Variants in TIPIN observed in about 807,000 individuals in gnomAD.
TIPIN encodes TIMELESS-interacting protein.
TIPIN carries 29 observed loss-of-function variants against 35.6 expected under a neutral mutation model. That is an observed-to-expected ratio of 0.82 (90% CI 0.61 to 1.11). The LOEUF (loss-of-function observed/expected upper bound fraction) is 1.11, where lower values mean the gene tolerates loss of function less well. TIPIN is among the 50% of genes most tolerant of loss of function. The pLI, the probability that TIPIN is intolerant of heterozygous loss-of-function variation, is 0.00. For missense variants in TIPIN, 296 were observed against 345.4 expected, an observed-to-expected ratio of 0.86 and a Z score of 1.13; for synonymous variants, 102 against 121.5, an observed-to-expected ratio of 0.84 and a Z score of 1.06.
chr15:66,382,214 T>C (rs2093321246), intron 1 of TIPIN: 1 of 319,864 alleles, frequency 3.1e-6, no homozygotes, highest in Non-Finnish European at 4.5e-6. Flanking sequence ...ACAGTATAAT[T>C]CTCATTTTAT....
intron 1 of TIPIN, among the ~76,000 whole-genome samples, chr15:66,363,634 C>A (rs1039741014): frequency 1.4e-5 from 2 of 143,756 alleles, no homozygotes; most frequent in African/African-American, 5.2e-5. Flanking sequence ...AGAGCGAGAT[C>A]TGGTCATTTA....
chr15:66,385,048 CA>C (rs1440422082), intron 1 of TIPIN, among the ~76,000 whole-genome samples: 7 of 152,352 alleles, frequency 4.6e-5, no homozygotes, highest in Admixed American at 2.6e-4. Flanking sequence ...CATTCTACCA[CA>C]GTGAGAAAGC....
At chr15:66,354,077 C>T (rs2140467785) in intron 1 of TIPIN, among the ~76,000 whole-genome samples, 1 of 152,258 alleles carries the variant, frequency 6.6e-6, no homozygotes, top group East Asian at 1.9e-4. Context: ...GCAGGTTTAT[C>T]TTCTACCCCG....
chr15:66,339,156 A>AG (rs1566970079), intron 7 of TIPIN, among the ~76,000 whole-genome samples: 1 of 63,546 alleles, frequency 1.6e-5, no homozygotes, highest in Non-Finnish European at 2.9e-5. Flanking sequence ...AAAAAAAAAA[A>AG]AGCAAAAAGA....
intron 1 of TIPIN, among the ~76,000 whole-genome samples, chr15:66,375,600 A>T (rs2140495360): frequency 6.7e-6 from 1 of 149,570 alleles, no homozygotes; most frequent in Non-Finnish European, 1.5e-5. Flanking sequence ...ACACTTTGGG[A>T]GGCCAAGACT....
chr15:66,351,986 A>C (rs986634832), intron 3 of TIPIN, 143 bp downstream of exon 3: 2 of 667,246 alleles, frequency 3.0e-6, no homozygotes, highest in Non-Finnish European at 5.0e-6. Context: ...CCATAAGAAA[A>C]AATATGTTCT....
At chr15:66,359,060 T>A (rs2093219691), upstream of TIPIN, among the ~76,000 whole-genome samples, 1 of 149,520 alleles carries the variant, frequency 6.7e-6, no homozygotes, top group Non-Finnish European at 1.5e-5. Flanking sequence ...AAAAAAAATT[T>A]AAAAAACACT....
chr15:66,364,876 G>A (rs1304512359), intron 1 of TIPIN, among the ~76,000 whole-genome samples: 1 of 145,046 alleles, frequency 6.9e-6, no homozygotes, highest in Non-Finnish European at 1.5e-5. Context: ...TGAGGCAGGA[G>A]AATTGCTTGA....
intron 7 of TIPIN, among the ~76,000 whole-genome samples, chr15:66,338,813 CAA>C (rs35966273): frequency 6.0e-4 from 21 of 35,246 alleles, no homozygotes; most frequent in Middle Eastern, 0.024. Flanking sequence ...GACTCCGTCT[CAA>C]AAAAAAAAAA....
intron 4 of TIPIN, among the ~76,000 whole-genome samples, chr15:66,351,213 T>C (rs2093165715): frequency 6.6e-6 from 1 of 152,182 alleles, no homozygotes; most frequent in Middle Eastern, 3.2e-3. Context: ...CTTGCCCTCA[T>C]GAAATTTAAA....
chr15:66,366,381 G>T (rs1425409393), intron 1 of TIPIN, among the ~76,000 whole-genome samples: 1 of 151,918 alleles, frequency 6.6e-6, no homozygotes, highest in Non-Finnish European at 1.5e-5. Flanking sequence ...TTGAATCTGG[G>T]AGGCAGAGGT....
At chr15:66,371,593 A>C (rs947101015) in intron 1 of TIPIN, among the ~76,000 whole-genome samples, 20 of 151,092 alleles carry the variant, frequency 1.3e-4, no homozygotes, top group Non-Finnish European at 2.7e-4. Flanking sequence ...GGCTCACTGC[A>C]AGCTCTGCCT....
chr15:66,345,775 A>C (rs1246132855), intron 6 of TIPIN, among the ~76,000 whole-genome samples: 3 of 152,192 alleles, frequency 2.0e-5, no homozygotes, highest in Admixed American at 2.0e-4. Flanking sequence ...TCAACAAATA[A>C]AATGGTCAAA....
chr15:66,336,960 A>G lies in TIPIN; in HGVS notation c.904T>C (p.Ter302GlnextTer10). 6.2e-7 allele frequency: 1 copy of G among 1,609,040 alleles called. No homozygotes were observed. Among genetic ancestry groups the G allele is most frequent in the Non-Finnish European group, 8.5e-7 (1 of 1,176,316 alleles). Reference protein sequence around the residue: ...ATSRNITEAR* With the variant: ...ATSRNITEARQ ...ATACATTTTCTCTTAATGGAAACTT[A>G]TCTAGCTTCAGTAATATTTCTGGAT... The change falls in exon 8 of 8, where the codon TAA becomes CAA. Residue 302 changes from the stop codon to glutamine (Q), a stop_lost. Transcript: ENST00000261881.
chr15:66,347,426 C>T, intron 6 of TIPIN: 1 of 394,710 alleles, frequency 2.5e-6, no homozygotes, highest in Non-Finnish European at 5.1e-6. Context: ...TGCCTAATTT[C>T]CCAGTACCAC....
intron 1 of TIPIN, among the ~76,000 whole-genome samples, chr15:66,370,318 T>C (rs189170406): frequency 1.1e-3 from 169 of 152,284 alleles, no homozygotes; most frequent in African/African-American, 3.5e-3. Context: ...TAGAGAGCAA[T>C]TGAAATTGCA....
chr15:66,384,076 A>G lies in TIPIN; in HGVS notation c.-9+2531T>C, dbSNP rs547517039. On this transcript the variant is annotated intron_variant, in intron 1 of 7. Coordinates refer to the TIPIN transcript ENST00000562124. ...CAGTGGCGCGATCTCGGCTCACTGC[A>G]AGCTCCACCTCCCGGGTTCACACCA... Among the ~76,000 whole-genome samples the G allele has an allele frequency of 1.2e-3, 183 of 151,886 alleles. 1 individual carries two copies. Among genetic ancestry groups the G allele is most frequent in the African/African-American group, 4.2e-3 (172 of 41,396 alleles).
rs778957976 is a variant in TIPIN, at chr15:66,353,913, G to A, written c.-8-958C>T. Among the ~76,000 whole-genome samples, 23 of 152,032 alleles carry A rather than the reference G, an allele frequency of 1.5e-4. No individual in the cohort carries two copies. In the South Asian group the frequency reaches 3.9e-3, roughly 26 times the overall value. On this transcript the variant is annotated intron_variant, in intron 1 of 7. Coordinates refer to ENST00000261881, the MANE Select transcript of TIPIN (RefSeq NM_017858.3). ...AGGCAGACGGACCATGAGGTCAGGAGTTCGAGACCAGCCTGGCCAACACAG... is the reference window on the plus strand; with the variant it reads ...AGGCAGACGGACCATGAGGTCAGGAATTCGAGACCAGCCTGGCCAACACAG...
intron 1 of TIPIN, among the ~76,000 whole-genome samples, chr15:66,362,188 A>T (rs2093234577): frequency 6.6e-6 from 1 of 151,488 alleles, no homozygotes; most frequent in Admixed American, 6.6e-5. Flanking sequence ...CTGTAATTCC[A>T]GCTACTCAGG....
Sources: gnomAD v4.1 joint callset for allele counts (sites outside exome capture counted in the v4.1 genomes callset) on GRCh38, gnomAD v4.1.1 for gene constraint, MANE v1.5 for transcripts, NCBI Gene and HGNC (gene_info 2026-07-23, HGNC 2026-07-21) for gene names.